LDB2: variants seen among roughly 807,000 people sequenced by gnomAD.
LDB2 encodes the protein LIM domain binding 2.
Under a neutral mutation model 44.3 loss-of-function variants are expected in LDB2, and 12 were observed. The observed-to-expected ratio is 0.27, with a 90% CI of 0.17 to 0.44. LDB2 has a LOEUF of 0.44. Among genes scored for constraint, LDB2 ranks in the 20% least tolerant of loss-of-function variants. LDB2 has a pLI of 1.00. For synonymous variants in LDB2, 164 were observed against 174.8 expected (o/e 0.94, Z 0.49); for missense variants, 344 against 473.5 (o/e 0.73, Z 2.54).
chr4:16,663,994 G>C (rs1281609366), intron 2 of LDB2, among the ~76,000 whole-genome samples: 1 of 151,894 alleles, frequency 6.6e-6, no homozygotes, highest in African/African-American at 2.4e-5. Flanking sequence ...GACAGCTAGA[G>C]GGTGGAGGGG....
intron 5 of LDB2, among the ~76,000 whole-genome samples, chr4:16,525,173 G>T (rs1727747611): frequency 6.6e-6 from 1 of 152,136 alleles, no homozygotes; most frequent in African/African-American, 2.4e-5. Flanking sequence ...AGACAGCTGT[G>T]TGCTGGGGTT....
intron 2 of LDB2, among the ~76,000 whole-genome samples, chr4:16,655,446 T>A (rs1213972501): frequency 6.7e-6 from 1 of 150,218 alleles, no homozygotes; most frequent in African/African-American, 2.5e-5. Flanking sequence ...TGTAGATGAG[T>A]GCAGCAGTGT....
At chr4:16,545,832 C>T (rs919970468) in intron 5 of LDB2, among the ~76,000 whole-genome samples, 1 of 152,218 alleles carries the variant, frequency 6.6e-6, no homozygotes, top group Non-Finnish European at 1.5e-5. Flanking sequence ...GTACTTTTCA[C>T]ATTTCTAACA....
intron 1 of LDB2, among the ~76,000 whole-genome samples, chr4:16,780,690 T>G (rs1773010184): frequency 6.6e-6 from 1 of 152,136 alleles, no homozygotes; most frequent in Non-Finnish European, 1.5e-5. Context: ...TTTTACAAGT[T>G]TATTCGCTCT....
chr4:16,540,182 C>G (rs1733287361), intron 5 of LDB2, among the ~76,000 whole-genome samples: 2 of 152,118 alleles, frequency 1.3e-5, no homozygotes, highest in African/African-American at 4.8e-5. Flanking sequence ...TCACCTTCCA[C>G]CAGGCCCCTC....
At chr4:16,667,253 G>T (rs1245004551) in intron 2 of LDB2, among the ~76,000 whole-genome samples, 4 of 152,194 alleles carry the variant, frequency 2.6e-5, no homozygotes, top group Non-Finnish European at 5.9e-5. Context: ...ACACCATGGG[G>T]TCTCTCAATG....
At chr4:16,783,044 A>G (rs943372411) in intron 1 of LDB2, among the ~76,000 whole-genome samples, 2 of 152,238 alleles carry the variant, frequency 1.3e-5, no homozygotes, top group Admixed American at 6.5e-5. Flanking sequence ...CCCAAATAAT[A>G]AGACTCATGT....
intron 5 of LDB2, among the ~76,000 whole-genome samples, chr4:16,546,633 C>T (rs1321125945): frequency 3.3e-5 from 5 of 152,174 alleles, no homozygotes; most frequent in Admixed American, 1.3e-4. Context: ...CTCCTTGCCA[C>T]CCCCTTCCCA....
chr4:16,661,636 G>T (rs961735305), intron 2 of LDB2, among the ~76,000 whole-genome samples: 1 of 151,942 alleles, frequency 6.6e-6, no homozygotes, highest in Admixed American at 6.6e-5. Flanking sequence ...TTTTTTTAAC[G>T]TTGTCCTCTT....
intron 1 of LDB2, among the ~76,000 whole-genome samples, chr4:16,768,189 A>C (rs963321494): frequency 6.6e-6 from 1 of 152,124 alleles, no homozygotes; most frequent in African/African-American, 2.4e-5. Context: ...TTCCTTGAAA[A>C]TGTGTTTTTT....
chr4:16,871,879 C>T (rs1716747703), intron 1 of LDB2, among the ~76,000 whole-genome samples: 1 of 152,122 alleles, frequency 6.6e-6, no homozygotes, highest in South Asian at 2.1e-4. Context: ...ACCTCGGCCT[C>T]CCAAAGTGCT....
At chr4:16,558,295 G>A (rs993288081) in intron 5 of LDB2, among the ~76,000 whole-genome samples, 1 of 152,092 alleles carries the variant, frequency 6.6e-6, no homozygotes, top group Non-Finnish European at 1.5e-5. Flanking sequence ...CAAAGGCAAA[G>A]AAGTTAAAAA....
At chr4:16,736,621 A>G (rs1223678958) in intron 2 of LDB2, among the ~76,000 whole-genome samples, 1 of 152,240 alleles carries the variant, frequency 6.6e-6, no homozygotes, top group Non-Finnish European at 1.5e-5. Context: ...TGTGTGGGCA[A>G]GTCGCAGAAT....
chr4:16,673,432 G>A (rs972430857), intron 2 of LDB2, among the ~76,000 whole-genome samples: 6 of 152,166 alleles, frequency 3.9e-5, no homozygotes. Context: ...TTGGAGGTGG[G>A]ATTTTGTGTC....
chr4:16,868,352 G>A (rs578074732), intron 1 of LDB2, among the ~76,000 whole-genome samples: 1 of 152,070 alleles, frequency 6.6e-6, no homozygotes, highest in Admixed American at 6.6e-5. Flanking sequence ...AGGTTCCAGG[G>A]GCAGCATTGT....
intron 1 of LDB2, among the ~76,000 whole-genome samples, chr4:16,788,105 G>A (rs986361407): frequency 3.9e-5 from 6 of 152,184 alleles, no homozygotes; most frequent in Non-Finnish European, 7.3e-5. Flanking sequence ...CCTGTATAGT[G>A]CTGAGGGCTG....
intron 1 of LDB2, among the ~76,000 whole-genome samples, chr4:16,820,243 C>A (rs748163579): frequency 3.5e-4 from 54 of 152,130 alleles, no homozygotes; most frequent in Non-Finnish European, 6.9e-4. Context: ...ATAATACATT[C>A]ATGGGGGGGT....
chr4:16,705,437 G>A (rs948427241), intron 2 of LDB2, among the ~76,000 whole-genome samples: 4 of 152,228 alleles, frequency 2.6e-5, no homozygotes, highest in East Asian at 3.9e-4. Context: ...GAGGCATAGC[G>A]AGGTTCCACT....
chr4:16,654,521 G>GCCAA (rs1739221359), intron 2 of LDB2, among the ~76,000 whole-genome samples: 1 of 152,158 alleles, frequency 6.6e-6, no homozygotes, highest in Admixed American at 6.5e-5. Flanking sequence ...TGATATAAAT[G>GCCAA]CCAACAAAGC....
Sources: gnomAD v4.1 joint callset for allele counts (sites outside exome capture counted in the v4.1 genomes callset) on GRCh38, gnomAD v4.1.1 for gene constraint, MANE v1.5 for transcripts, NCBI Gene and HGNC (gene_info 2026-07-23, HGNC 2026-07-21) for gene names.